Variants in ZNF277 observed in about 807,000 individuals in gnomAD.
ZNF277 encodes the protein zinc finger protein 277.
Under a neutral mutation model 60.7 loss-of-function variants are expected in ZNF277, and 55 were observed. The observed-to-expected ratio is 0.91, with a 90% CI of 0.73 to 1.13. The LOEUF is 1.13. ZNF277 is among the 50% of genes most tolerant of loss of function. ZNF277 has a pLI of 0.00. For missense variants in ZNF277, 510 were observed against 523.0 expected (o/e 0.98, Z 0.24); for synonymous variants, 178 against 179.3 (o/e 0.99, Z 0.06).
At chr7:112,336,384 G>C (rs963423833) in intron 8 of ZNF277, among the ~76,000 whole-genome samples, 1 of 152,134 alleles carries the variant, frequency 6.6e-6, no homozygotes, top group African/African-American at 2.4e-5. Context: ...CTAAATTAAA[G>C]CTATTGATTG....
rs1793471950 is a variant in ZNF277 at position 112,342,846 on chromosome 7, G to A, written c.*117G>A. 3.6e-6 allele frequency: 3 copies of A among 833,076 alleles called. No individual in the cohort carries two copies. The highest frequency in any genetic ancestry group is 3.5e-5 in the African/African-American group (2 of 56,446). 51.6% of individuals were successfully genotyped at this position (833,076 alleles called of 1,614,324 possible). A position where few individuals can be genotyped will look rare whatever the true frequency, so the allele number is the denominator to read the frequency against. The stretch of plus-strand genomic sequence containing the variant: ...AACATCAACAAAAGATTGGTCCTTG[G>A]TGAAATAAACTTTTCAAAAATGAAT... On this transcript the variant is annotated 3_prime_UTR_variant, in exon 12 of 12. Coordinates refer to ENST00000361822, the MANE Select transcript of ZNF277 (RefSeq NM_021994.3).
intron 1 of ZNF277, among the ~76,000 whole-genome samples, chr7:112,280,837 A>G (rs1270285621): frequency 6.6e-6 from 1 of 152,120 alleles, no homozygotes; most frequent in Admixed American, 6.6e-5. Flanking sequence ...CGTGTTGCCC[A>G]GGCTAGTCTT....
intron 1 of ZNF277, among the ~76,000 whole-genome samples, chr7:112,253,435 C>G (rs1373272684): frequency 2.0e-5 from 3 of 152,108 alleles, no homozygotes; most frequent in Non-Finnish European, 4.4e-5. Flanking sequence ...TACTTGCTAC[C>G]CAACCTGTTG....
chr7:112,208,317 G>A (rs1264679026), intron 1 of ZNF277, among the ~76,000 whole-genome samples: 1 of 152,044 alleles, frequency 6.6e-6, no homozygotes, highest in Non-Finnish European at 1.5e-5. Context: ...GGAGGTTGTG[G>A]TGAGCCATGA....
chr7:112,228,007 C>T (rs1182346383), intron 1 of ZNF277, among the ~76,000 whole-genome samples: 1 of 151,792 alleles, frequency 6.6e-6, no homozygotes, highest in Non-Finnish European at 1.5e-5. Flanking sequence ...GTTTTGAAGG[C>T]CAGAAGTCCA....
At chr7:112,245,043 T>C (rs1335184313) in intron 1 of ZNF277, among the ~76,000 whole-genome samples, 2 of 152,212 alleles carry the variant, frequency 1.3e-5, no homozygotes, top group African/African-American at 4.8e-5. Context: ...TATATATCTT[T>C]TGAATAAATG....
chr7:112,339,428 C>T (rs1260393565), intron 9 of ZNF277, among the ~76,000 whole-genome samples: 1 of 152,230 alleles, frequency 6.6e-6, no homozygotes, highest in African/African-American at 2.4e-5. Context: ...AAGCGATTCT[C>T]GTGCCTCAGC....
At chr7:112,341,662 G>A (rs1793448036) in intron 11 of ZNF277, among the ~76,000 whole-genome samples, 1 of 152,184 alleles carries the variant, frequency 6.6e-6, no homozygotes, top group South Asian at 2.1e-4. Context: ...TCCTTTGCCA[G>A]AACTTTGTGG....
At chr7:112,298,989 T>G (rs1792414136) in intron 4 of ZNF277, among the ~76,000 whole-genome samples, 1 of 152,092 alleles carries the variant, frequency 6.6e-6, no homozygotes, top group African/African-American at 2.4e-5. Context: ...GTCTGACAAG[T>G]CTGTGTAGGG....
chr7:112,265,999 A>G (rs1223700703), intron 1 of ZNF277, among the ~76,000 whole-genome samples: 1 of 152,200 alleles, frequency 6.6e-6, no homozygotes, highest in African/African-American at 2.4e-5. Flanking sequence ...GGAAGGGTCC[A>G]GAAAGAAGCT....
chr7:112,268,857 A>G (rs1188265539), intron 1 of ZNF277, among the ~76,000 whole-genome samples: 3 of 152,144 alleles, frequency 2.0e-5, no homozygotes, highest in African/African-American at 4.8e-5. Flanking sequence ...GCCACTTAAT[A>G]ACTTTAGATA....
intron 5 of ZNF277, among the ~76,000 whole-genome samples, chr7:112,322,036 C>CA (rs200558211): frequency 1.9e-3 from 291 of 150,664 alleles, no homozygotes; most frequent in African/African-American, 6.6e-3. Flanking sequence ...AAAAAAAGAA[C>CA]AAAAAAAAAT....
chr7:112,297,288 A>C (rs1792378391), intron 4 of ZNF277, among the ~76,000 whole-genome samples: 1 of 152,112 alleles, frequency 6.6e-6, no homozygotes, highest in African/African-American at 2.4e-5. Flanking sequence ...CTTTTGTTTA[A>C]AAGTACATGG....
At chr7:112,328,696 C>T (rs1332486196) in intron 6 of ZNF277, among the ~76,000 whole-genome samples, 1 of 151,998 alleles carries the variant, frequency 6.6e-6, no homozygotes, top group Admixed American at 6.6e-5. Flanking sequence ...CATGGAGAAA[C>T]CCCATCTCTA....
chr7:112,228,765 A>G (rs1395104648), intron 1 of ZNF277, among the ~76,000 whole-genome samples: 1 of 152,108 alleles, frequency 6.6e-6, no homozygotes, highest in Non-Finnish European at 1.5e-5. Flanking sequence ...CTTTATGCAT[A>G]CAACCCCTGA....
chr7:112,269,779 C>A (rs1160944004), intron 1 of ZNF277, among the ~76,000 whole-genome samples: 1 of 152,122 alleles, frequency 6.6e-6, no homozygotes, highest in East Asian at 1.9e-4. Flanking sequence ...ATCCCACCTT[C>A]TTTATCAAGG....
chr7:112,279,752 C>G (rs565501458), intron 1 of ZNF277, among the ~76,000 whole-genome samples: 1 of 151,946 alleles, frequency 6.6e-6, no homozygotes, highest in Non-Finnish European at 1.5e-5. Context: ...GCATTTCTAA[C>G]TATAAAATAA....
intron 1 of ZNF277, among the ~76,000 whole-genome samples, chr7:112,264,815 T>C (rs1296031405): frequency 6.6e-6 from 1 of 152,178 alleles, no homozygotes; most frequent in Non-Finnish European, 1.5e-5. Context: ...AATGGTATTA[T>C]GTCAAAAAAT....
In ZNF277 at chr7:112,342,822, A is replaced by G. The variant is rs138058026; in HGVS notation, c.*93A>G. On this transcript the variant is annotated 3_prime_UTR_variant, in exon 12 of 12. Coordinates refer to ENST00000361822, the MANE Select transcript of ZNF277 (RefSeq NM_021994.3). Reference sequence around the variant, plus strand: ...ATATGAAAGAACAATTTAAATTTGAACATCAACAAAAGATTGGTCCTTGGT... The same window carrying G: ...ATATGAAAGAACAATTTAAATTTGAGCATCAACAAAAGATTGGTCCTTGGT... 2.6e-4 allele frequency: 267 copies of G among 1,032,746 alleles called. No individual in the cohort carries two copies. The African/African-American group carries it at 3.2e-3, about 12-fold the overall frequency. The allele number at this position is 1,032,746 out of a possible 1,614,324, so 64.0% of individuals were successfully genotyped here.
Sources: gnomAD v4.1 joint callset for allele counts (sites outside exome capture counted in the v4.1 genomes callset) on GRCh38, gnomAD v4.1.1 for gene constraint, MANE v1.5 for transcripts, NCBI Gene and HGNC (gene_info 2026-07-23, HGNC 2026-07-21) for gene names.